The following DLG2 variants were observed in gnomAD, a reference collection of about 807,000 sequenced individuals.
DLG2 encodes the protein disks large homolog 2.
DLG2 carries 45 observed loss-of-function variants against 132.5 expected under a neutral mutation model. The ratio of observed to expected loss-of-function variants is 0.34; its 90% CI spans 0.27 to 0.44. The LOEUF (loss-of-function observed/expected upper bound fraction) is 0.44. DLG2 is among the 20% of genes least tolerant of loss of function. DLG2 has a pLI of 1.00. For synonymous variants in DLG2, 424 were observed against 419.6 expected (o/e 1.01, Z -0.13); for missense variants, 1,045 against 1,196.9 (o/e 0.87, Z 1.87).
chr11:85,004,709 T>C (rs1460870751), intron 6 of DLG2, among the ~76,000 whole-genome samples: 3 of 152,356 alleles, frequency 2.0e-5, no homozygotes, highest in South Asian at 4.1e-4. Context: ...TATTTTGCTA[T>C]GCAGAAGCTC....
rs75077839 is a variant in DLG2 at position 85,369,490 on chromosome 11, C to T, written c.41-84125G>A. On this transcript the variant is annotated intron_variant, in intron 3 of 27. Transcript: ENST00000376104. ...TAACTTTTTTTTTCCTTTTAGAAGA[C>T]GTTTTTACTAGACCAGGCAACCCAA... is the stretch of plus-strand genomic sequence containing the variant. Among the ~76,000 whole-genome samples the T allele has an allele frequency of 3.2e-3, 482 of 151,760 alleles. 3 individuals are homozygous for T. The highest frequency in any genetic ancestry group is 0.011 in the African/African-American group (450 of 41,356).
intron 3 of DLG2, chr11:85,336,692 G>C (rs1190602935): frequency 6.6e-6 from 1 of 152,602 alleles, no homozygotes; most frequent in Non-Finnish European, 1.5e-5. Context: ...AGGCAAAGTA[G>C]GAGCCCACAG....
Position 84,719,266 on chromosome 11 carries a change from T to C in DLG2, c.358-184535A>G, listed in dbSNP as rs183486566. ...CTGTCCAATCCAATCTCTGGTGTTATCTTTCAGAAAAATAGGAATTATGTG... is the reference window on the plus strand; with the variant it reads ...CTGTCCAATCCAATCTCTGGTGTTACCTTTCAGAAAAATAGGAATTATGTG... On this transcript the variant is annotated intron_variant, in intron 6 of 27. Transcript: ENST00000376104. Among the ~76,000 whole-genome samples the C allele has an allele frequency of 2.1e-4, 32 of 152,338 alleles. 1 individual carries two copies. The East Asian group carries it at 5.4e-3, about 26-fold the overall frequency.
intron 7 of DLG2, among the ~76,000 whole-genome samples, chr11:84,342,309 C>T (rs1306471960): frequency 6.6e-6 from 1 of 152,202 alleles, no homozygotes; most frequent in Non-Finnish European, 1.5e-5. Context: ...TGCCCACCTA[C>T]ATTTAAAAAG....
chr11:85,437,832 T>A (rs1250099479), intron 3 of DLG2, among the ~76,000 whole-genome samples: 2 of 152,202 alleles, frequency 1.3e-5, no homozygotes, highest in African/African-American at 4.8e-5. Flanking sequence ...GAATCCTTCA[T>A]CTGTAGATAA....
intron 3 of DLG2, among the ~76,000 whole-genome samples, chr11:85,583,499 T>C (rs1236336894): frequency 2.0e-5 from 3 of 151,988 alleles, no homozygotes; most frequent in Non-Finnish European, 4.4e-5. Context: ...AAATATATTC[T>C]ATATGGTATA....
At chr11:84,728,996 T>C (rs1055987937) in intron 6 of DLG2, among the ~76,000 whole-genome samples, 1 of 152,090 alleles carries the variant, frequency 6.6e-6, no homozygotes, top group African/African-American at 2.4e-5. Context: ...TCTTTATTAA[T>C]CTGGCTAGCA....
chr11:83,485,407 T>TATATC (rs2093438524), intron 21 of DLG2, among the ~76,000 whole-genome samples: 1 of 152,194 alleles, frequency 6.6e-6, no homozygotes, highest in Non-Finnish European at 1.5e-5. Context: ...TTCATATTCA[T>TATATC]ATATCATTAA....
chr11:83,866,372 T>C (rs1253778106), intron 16 of DLG2, among the ~76,000 whole-genome samples: 3 of 152,176 alleles, frequency 2.0e-5, no homozygotes, highest in African/African-American at 7.2e-5. Context: ...AACTAAATCT[T>C]GTCATGGAAT....
chr11:84,360,245 G>A (rs1208168463), intron 7 of DLG2, among the ~76,000 whole-genome samples: 2 of 151,850 alleles, frequency 1.3e-5, no homozygotes, highest in African/African-American at 4.8e-5. Context: ...AAAAAAATGT[G>A]ATTATAGGGG....
chr11:84,065,007 G>A (rs913148402), intron 10 of DLG2, among the ~76,000 whole-genome samples: 1 of 152,126 alleles, frequency 6.6e-6, no homozygotes, highest in Admixed American at 6.6e-5. Context: ...GAGATAACTG[G>A]ACAGTCATAT....
At chr11:84,649,911 T>C (rs568739563) in intron 6 of DLG2, among the ~76,000 whole-genome samples, 1 of 152,156 alleles carries the variant, frequency 6.6e-6, no homozygotes, top group Non-Finnish European at 1.5e-5. Context: ...TCAGAAATCC[T>C]AGAGATGACT....
chr11:85,153,612 T>A (rs1370374478), intron 5 of DLG2, among the ~76,000 whole-genome samples: 1 of 152,146 alleles, frequency 6.6e-6, no homozygotes, highest in Non-Finnish European at 1.5e-5. Flanking sequence ...TTTAAATTGT[T>A]CAAAGGAAAT....
At chr11:85,504,674 T>A (rs572395649) in intron 3 of DLG2, among the ~76,000 whole-genome samples, 1 of 152,290 alleles carries the variant, frequency 6.6e-6, no homozygotes, top group East Asian at 1.9e-4. Context: ...TCTTTTGCCT[T>A]AGGATTGTCT....
At chr11:83,614,437 AG>A (rs1403018499) in intron 19 of DLG2, among the ~76,000 whole-genome samples, 1 of 152,176 alleles carries the variant, frequency 6.6e-6, no homozygotes, top group Non-Finnish European at 1.5e-5. Flanking sequence ...ATAATAAACA[AG>A]CTGGGAGCGA....
chr11:84,233,259 G>A (rs1186943822), intron 8 of DLG2, among the ~76,000 whole-genome samples: 1 of 152,204 alleles, frequency 6.6e-6, no homozygotes, highest in Non-Finnish European at 1.5e-5. Context: ...ATTGGTCACA[G>A]TCAGTGATAC....
intron 6 of DLG2, among the ~76,000 whole-genome samples, chr11:84,792,832 G>T (rs1364667966): frequency 6.6e-6 from 1 of 151,800 alleles, no homozygotes; most frequent in Non-Finnish European, 1.5e-5. Flanking sequence ...TCTGGATAAA[G>T]GTTTGTTAAT....
chr11:84,502,509 A>C (rs1455826593), intron 7 of DLG2, among the ~76,000 whole-genome samples: 1 of 149,810 alleles, frequency 6.7e-6, no homozygotes, highest in East Asian at 2.0e-4. Flanking sequence ...GATTCTCGTT[A>C]TTCAGCTTCC....
At chr11:84,249,144 A>G (rs974787800) in intron 8 of DLG2, among the ~76,000 whole-genome samples, 1 of 152,210 alleles carries the variant, frequency 6.6e-6, no homozygotes, top group Non-Finnish European at 1.5e-5. Context: ...ACCACAAGAA[A>G]GTGGTCTTAC....
Sources: gnomAD v4.1 joint callset for allele counts (sites outside exome capture counted in the v4.1 genomes callset) on GRCh38, gnomAD v4.1.1 for gene constraint, MANE v1.5 for transcripts, NCBI Gene and HGNC (gene_info 2026-07-23, HGNC 2026-07-21) for gene names.